Variants in TC2N observed in about 807,000 individuals in gnomAD.
TC2N encodes the protein tandem C2 domains, nuclear.
TC2N carries 51 observed loss-of-function variants against 61.9 expected under a neutral mutation model. The observed-to-expected ratio is 0.82, with a 90% CI of 0.66 to 1.04. The LOEUF (loss-of-function observed/expected upper bound fraction) is 1.04. Ranked by LOEUF, TC2N falls within the 50% of genes least tolerant of loss-of-function variation. The pLI, the probability that TC2N is intolerant of heterozygous loss-of-function variation, is 0.00. For synonymous variants in TC2N, 204 were observed against 192.6 expected, an observed-to-expected ratio of 1.06 and a Z score of -0.49; for missense variants, 556 against 566.7, an observed-to-expected ratio of 0.98 and a Z score of 0.19.
intron 1 of TC2N, among the ~76,000 whole-genome samples, chr14:91,822,466 G>GTTA (rs1887296111): frequency 1.3e-5 from 2 of 152,118 alleles, no homozygotes; most frequent in Non-Finnish European, 2.9e-5. Flanking sequence ...TCATATTTCA[G>GTTA]TTCTTATTTT....
chr14:91,834,823 C>T (rs1017329849), intron 1 of TC2N, among the ~76,000 whole-genome samples: 5 of 152,156 alleles, frequency 3.3e-5, no homozygotes, highest in Admixed American at 2.6e-4. Context: ...CTCTACCCAT[C>T]GCTTAATGCT....
intron 9 of TC2N, among the ~76,000 whole-genome samples, chr14:91,790,842 T>C (rs112646398): frequency 0.017 from 2,639 of 152,068 alleles, 31 homozygotes; most frequent in Non-Finnish European, 0.025. Flanking sequence ...TAAAGAATAA[T>C]AGGCAAGGCT....
intron 2 of TC2N, among the ~76,000 whole-genome samples, chr14:91,813,423 T>C (rs1033293420): frequency 2.0e-5 from 3 of 151,800 alleles, no homozygotes; most frequent in Non-Finnish European, 4.4e-5. Context: ...AATTTTCAGT[T>C]TCTCTTCCTT....
chr14:91,812,521 G>A lies in TC2N; in HGVS notation c.92C>T (p.Ala31Val), dbSNP rs1459947556. The A allele has an allele frequency of 1.3e-6, 2 of 1,582,180 alleles. No individual in the cohort carries two copies. Among genetic ancestry groups the A allele is most frequent in the South Asian group, 2.3e-5 (2 of 86,612 alleles). Residue 31 changes from alanine to valine, a missense_variant, in exon 3 of 12, where the codon GCA becomes GTA. Ala to Val is a moderately conservative substitution (Grantham distance 64). Transcript: ENST00000435962. Reference sequence around the variant, plus strand: ...AGCATTTTGACTATTTGGGACTGCTGCTTTAAAATCTCTTTCCACAGAAAC... The same window carrying A: ...AGCATTTTGACTATTTGGGACTGCTACTTTAAAATCTCTTTCCACAGAAAC... ...HNFSVERDFK[A>V]AVPNSQNATI...
At chr14:91,861,690 A>G (rs1158938679) in intron 1 of TC2N, among the ~76,000 whole-genome samples, 2 of 152,220 alleles carry the variant, frequency 1.3e-5, no homozygotes, top group Non-Finnish European at 2.9e-5. Flanking sequence ...TGGGAGGCCA[A>G]GGTGTGTGGA....
At chr14:91,813,377 C>T (rs1886865084) in intron 2 of TC2N, among the ~76,000 whole-genome samples, 1 of 151,764 alleles carries the variant, frequency 6.6e-6, no homozygotes, top group African/African-American at 2.4e-5. Context: ...CCTGTCTTTG[C>T]CTGTACTATT....
chr14:91,832,680 C>T (rs1887834485), intron 1 of TC2N, among the ~76,000 whole-genome samples: 1 of 152,036 alleles, frequency 6.6e-6, no homozygotes, highest in African/African-American at 2.4e-5. Context: ...CTTTATAAAA[C>T]AATCCGGTGT....
rs766212900 is a variant in TC2N at position 91,785,307 on chromosome 14, T to C, written c.1217A>G (p.Lys406Arg). ...FSSGELIYKK[K>R]TRLLKASNGR... ...ATTGGAGGCCTTCAGTAAGCGTGTC[T>C]TTTTCTTATAAATCAACTCTCCCGA... Residue 406 changes from lysine to arginine, a missense_variant, in exon 11 of 12, where the codon AAG becomes AGG. Transcript: ENST00000435962. 3 of 1,613,836 alleles carry C rather than the reference T, an allele frequency of 1.9e-6. No homozygotes were observed. In the South Asian group the frequency reaches 3.3e-5, roughly 18 times the overall value.
In TC2N at chr14:91,812,392, G is replaced by C. The variant is rs201030077; in HGVS notation, c.221C>G (p.Pro74Arg). ...SKLPSDGKEVPFVVPKFKLSY... is the reference protein window; with the variant it reads ...SKLPSDGKEVRFVVPKFKLSY... Reference sequence around the variant, plus strand: ...TAACTTAAACTTGGGCACCACAAATGGTACTTCTTTGCCATCAGATGGTAA... The same window carrying C: ...TAACTTAAACTTGGGCACCACAAATCGTACTTCTTTGCCATCAGATGGTAA... Residue 74 changes from proline (P) to arginine (R), a missense_variant, in exon 3 of 12, where the codon CCA (proline) becomes CGA (arginine). Pro to Arg is a moderately radical substitution (Grantham distance 103). Coordinates refer to ENST00000435962, the MANE Select transcript of TC2N (RefSeq NM_001128596.3). 5.0e-6 allele frequency: 8 copies of C among 1,612,548 alleles called. No homozygotes were observed. The highest frequency in any genetic ancestry group is 3.3e-5 in the South Asian group (3 of 90,998).
At position 91,789,560 on chromosome 14, in the gene TC2N, G is replaced by A. The variant is rs1169737995; in HGVS notation, c.1048-1933C>T. Among the ~76,000 whole-genome samples the A allele has an allele frequency of 6.6e-5, 10 of 150,962 alleles. No individual in the cohort carries two copies. The South Asian group carries it at 8.4e-4, about 13-fold the overall frequency. On this transcript the variant is annotated intron_variant, in intron 9 of 11. Transcript: ENST00000435962. ...CAGGAGGCGGAGCTTGCAGTGAGCC[G>A]AGATTGCACCACTGCACTCCAGCCT... is the stretch of plus-strand genomic sequence containing the variant.
chr14:91,810,669 A>G (rs1886722739), intron 3 of TC2N, among the ~76,000 whole-genome samples: 1 of 152,152 alleles, frequency 6.6e-6, no homozygotes, highest in Non-Finnish European at 1.5e-5. Context: ...GGTTTGCAAT[A>G]CTGTAAAAAT....
At chr14:91,838,627 T>C (rs1219424348) in intron 1 of TC2N, among the ~76,000 whole-genome samples, 2 of 152,256 alleles carry the variant, frequency 1.3e-5, no homozygotes, top group Non-Finnish European at 2.9e-5. Flanking sequence ...GCTCAATAAC[T>C]ACTAATTGAA....
At chr14:91,785,726 T>C (rs1885334217) in intron 10 of TC2N, among the ~76,000 whole-genome samples, 1 of 152,048 alleles carries the variant, frequency 6.6e-6, no homozygotes, top group Non-Finnish European at 1.5e-5. Flanking sequence ...TTCACAATTA[T>C]ATAGGTAAAA....
intron 1 of TC2N, among the ~76,000 whole-genome samples, chr14:91,826,409 A>T (rs1387876093): frequency 6.6e-6 from 1 of 151,804 alleles, no homozygotes; most frequent in Non-Finnish European, 1.5e-5. Flanking sequence ...GATGCATCTA[A>T]AAAGAAAACT....
intron 11 of TC2N, among the ~76,000 whole-genome samples, chr14:91,783,921 C>A (rs1231066367): frequency 6.6e-6 from 1 of 152,060 alleles, no homozygotes; most frequent in Non-Finnish European, 1.5e-5. Context: ...TTGGTTTCAA[C>A]CTTTTTCCTT....
intron 1 of TC2N, among the ~76,000 whole-genome samples, chr14:91,861,749 C>A (rs1888592632): frequency 6.6e-6 from 1 of 152,020 alleles, no homozygotes; most frequent in South Asian, 2.1e-4. Context: ...ATGGTGAAAT[C>A]CTATTTTTAC....
chr14:91,819,433 C>T (rs1887149053), intron 1 of TC2N, among the ~76,000 whole-genome samples: 1 of 151,898 alleles, frequency 6.6e-6, no homozygotes, highest in East Asian at 1.9e-4. Context: ...GAAAAAAACC[C>T]ATCAACCTAG....
chr14:91,785,245 G>T lies in TC2N; in HGVS notation c.1279C>A (p.Leu427Ile). ...ACAATTTCTTTTTCACTCTGTATAA[G>T]TGGAAAAATCATAGTCTCTCCCCAC... ...VKWGETMIFP[L>I]IQSEKEIVFL... Residue 427 changes from leucine (L) to isoleucine (I), a missense_variant, in exon 11 of 12, where the codon CTT becomes ATT. Physicochemically the swap from Leu to Ile is conservative, Grantham distance 5. Transcript: ENST00000435962. 6.2e-7 allele frequency: 1 copy of T among 1,613,052 alleles called. No individual in the cohort carries two copies. Among genetic ancestry groups the T allele is most frequent in the East Asian group, 2.2e-5 (1 of 44,830 alleles).
chr14:91,783,718 T>C (rs894982961), intron 11 of TC2N, among the ~76,000 whole-genome samples: 2 of 152,174 alleles, frequency 1.3e-5, no homozygotes, highest in African/African-American at 2.4e-5. Flanking sequence ...ATCACTTATG[T>C]AACTTAAATA....
Sources: gnomAD v4.1 joint callset for allele counts (sites outside exome capture counted in the v4.1 genomes callset) on GRCh38, gnomAD v4.1.1 for gene constraint, MANE v1.5 for transcripts, NCBI Gene and HGNC (gene_info 2026-07-23, HGNC 2026-07-21) for gene names.